PIF1: variants seen among roughly 807,000 people sequenced by gnomAD.
PIF1 encodes PIF1 5'-to-3' DNA helicase, also known as ATP-dependent DNA helicase PIF1.
PIF1 carries 67 observed loss-of-function variants against 62.3 expected under a neutral mutation model. That is an observed-to-expected ratio of 1.08 (90% CI 0.88 to 1.32). PIF1 has a LOEUF of 1.32. Ranked by LOEUF, PIF1 falls within the 40% of genes most tolerant of loss-of-function variation. The pLI is 0.00. For missense variants in PIF1, 886 were observed against 866.1 expected (o/e 1.02, Z -0.29); for synonymous variants, 364 against 379.5 (o/e 0.96, Z 0.47).
In PIF1 at chr15:64,823,922, C is replaced by A; in HGVS notation, c.414G>T (p.Gln138His). ...PGPGPASARA[Q>H]LLGPRPRDFV... is the part of the protein sequence containing the mutation. ...AGTCGCGGGGCCGCGGGCCCAGCAG[C>A]TGCGCTCGGGCGGAGGCCGGCCCGG... The change falls in exon 2 of 13, where the codon CAG becomes CAT. Residue 138 changes from glutamine to histidine, a missense_variant. Gln to His is a conservative substitution (Grantham distance 24). Transcript: ENST00000559239. The A allele has an allele frequency of 1.5e-6, 2 of 1,334,960 alleles. No individual in the cohort carries two copies. The highest frequency in any genetic ancestry group is 1.9e-6 in the Non-Finnish European group (2 of 1,036,180). The allele number at this position is 1,334,960 out of a possible 1,614,324, so 82.7% of individuals were successfully genotyped here.
Position 64,821,236 on chromosome 15 carries a change from G to C in PIF1, c.1017C>G (p.Ile339Met), listed in dbSNP as rs1024265984. The C allele has an allele frequency of 6.2e-7, 1 of 1,614,148 alleles. No homozygotes were observed. The highest frequency in any genetic ancestry group is 1.7e-5 in the Admixed American group (1 of 60,010). The stretch of plus-strand genomic sequence containing the variant: ...GCAGCTGCAGAAAGTCCCCACAGAT[G>C]ATGAGCTGGATCCCTCCGAATGGCT... ...QNKPFGGIQL[I>M]ICGDFLQLPP... Residue 339 changes from isoleucine (I) to methionine (M), a missense_variant, in exon 6 of 13, where the codon ATC becomes ATG. Transcript: ENST00000559239.
chr15:64,826,665 T>TACAC (rs796586375), upstream of PIF1, among the ~76,000 whole-genome samples: 1,124 of 42,556 alleles, frequency 0.026, 104 homozygotes, highest in East Asian at 0.1. Context: ...TATATATATA[T>TACAC]ACACACACAC....
intron 11 of PIF1, among the ~76,000 whole-genome samples, chr15:64,817,673 C>T (rs1422150209): frequency 6.6e-6 from 1 of 151,862 alleles, no homozygotes; most frequent in Non-Finnish European, 1.5e-5. Context: ...GCCATCCTGG[C>T]CAACAAAGTG....
Position 64,816,699 on chromosome 15 carries a change from C to T in PIF1, c.1741G>A (p.Ala581Thr). 1 of 1,613,420 alleles carries T rather than the reference C, an allele frequency of 6.2e-7. No individual in the cohort carries two copies. Among genetic ancestry groups the T allele is most frequent in the Non-Finnish European group, 8.5e-7 (1 of 1,179,870 alleles). The change falls in exon 12 of 13, where the codon GCC (alanine) becomes ACC (threonine). Residue 581 changes from alanine (A) to threonine (T), a missense_variant. Physicochemically the swap from Ala to Thr is moderately conservative, Grantham distance 58 (BLOSUM62 0). Transcript: ENST00000559239. ...TGCAGGCTGCGGGCCCGAGAAAGGG[C>T]CACATAGGCCTGGCCACTGGCAAAC... is the stretch of plus-strand genomic sequence containing the variant. ...RVFASGQAYVALSRARSLQGL... is the reference protein window; with the variant it reads ...RVFASGQAYVTLSRARSLQGL...
At chr15:64,823,052 AT>A (rs1323341849) in intron 2 of PIF1, among the ~76,000 whole-genome samples, 1 of 151,876 alleles carries the variant, frequency 6.6e-6, no homozygotes, top group Non-Finnish European at 1.5e-5. Context: ...GTGGGCTATG[AT>A]TCACCTGCCC....
At chr15:64,824,713 G>A (rs1296451566) in intron 1 of PIF1, among the ~76,000 whole-genome samples, 1 of 151,568 alleles carries the variant, frequency 6.6e-6, no homozygotes, top group Non-Finnish European at 1.5e-5. Flanking sequence ...CGGGCGTGGT[G>A]GCGGGCGCTT....
upstream of PIF1, among the ~76,000 whole-genome samples, chr15:64,826,614 C>G (rs1481746058): frequency 1.2e-5 from 1 of 86,484 alleles, no homozygotes; most frequent in East Asian, 3.7e-4. Context: ...CAGATGCACA[C>G]CCAGCTAATT....
chr15:64,826,665 T>TATATATATATATATATACAC (rs796684934), upstream of PIF1, among the ~76,000 whole-genome samples: 5 of 42,798 alleles, frequency 1.2e-4, no homozygotes, highest in Non-Finnish European at 1.3e-4. Context: ...TATATATATA[T>TATATATATATATATATACAC]ACACACACAC....
At chr15:64,819,741 C>T in intron 8 of PIF1, 106 bp downstream of exon 8, 1 of 1,489,912 alleles carries the variant, frequency 6.7e-7, no homozygotes, top group Non-Finnish European at 9.1e-7. Flanking sequence ...GCCTTTATGG[C>T]TTCAGAGGTT....
chr15:64,821,784 G>A, intron 4 of PIF1: 1 of 408,224 alleles, frequency 2.4e-6, no homozygotes. Context: ...GTGTCGCCCA[G>A]GCTCAAGTGC....
At chr15:64,826,396 G>A (rs2084367395), upstream of PIF1, among the ~76,000 whole-genome samples, 1 of 151,556 alleles carries the variant, frequency 6.6e-6, no homozygotes. Context: ...TCATTTTACA[G>A]ATAATGATAA....
At position 64,819,254 on chromosome 15, in the gene PIF1, C is replaced by CA. The variant is rs1325026087; in HGVS notation, c.1334-32dup. 2.1e-6 allele frequency: 3 copies of CA among 1,440,294 alleles called. No individual in the cohort carries two copies. In the East Asian group the frequency reaches 7.1e-5, roughly 34 times the overall value. 89.2% of individuals were successfully genotyped at this position (1,440,294 alleles called of 1,614,324 possible). A position where few individuals can be genotyped will look rare whatever the true frequency, so the allele number is the denominator to read the frequency against. On this transcript the variant is annotated intron_variant, in intron 8 of 12. Transcript: ENST00000559239. ...GAAAAAGAGTTGAGCAAACAGATCA[C>CA]AAATCACTGACTTGTGACTCAGCAT...
chr15:64,824,781 A>G (rs2084343426), intron 1 of PIF1, among the ~76,000 whole-genome samples: 1 of 150,810 alleles, frequency 6.6e-6, no homozygotes, highest in African/African-American at 2.5e-5. Context: ...CAGGAACTCG[A>G]GACCATCCTG....
At chr15:64,819,369 G>C (rs1419212321) in intron 8 of PIF1, 146 bp from the exon 9 acceptor site, 2 of 624,770 alleles carry the variant, frequency 3.2e-6, no homozygotes, top group East Asian at 3.3e-5. Flanking sequence ...GGAGTGCAAA[G>C]GCGTGATCTC....
At chr15:64,819,282 CAAA>C in intron 8 of PIF1, 59 bp from the exon 9 acceptor site, 9 of 1,132,898 alleles carry the variant, frequency 7.9e-6, no homozygotes, top group Non-Finnish European at 1.1e-5. Context: ...CTCAGCATCC[CAAA>C]AAAGACTTTT....
chr15:64,815,633 T>A lies in PIF1; in HGVS notation c.*665A>T, dbSNP rs1478246062. 6.7e-7 allele frequency: 1 copy of A among 1,499,098 alleles called. No individual in the cohort carries two copies. The highest frequency in any genetic ancestry group is 8.9e-7 in the Non-Finnish European group (1 of 1,117,506). The allele number at this position is 1,499,098 out of a possible 1,614,324, so 92.9% of individuals were successfully genotyped here. A position where few individuals can be genotyped will look rare whatever the true frequency, so the allele number is the denominator to read the frequency against. On this transcript the variant is annotated 3_prime_UTR_variant, in exon 13 of 13. Transcript: ENST00000559239. ...AGAGAGAGGAGGCAGGAGGCACAGTTTTTACACAATTCTCTAGTTTATTTG... is the reference window on the plus strand; with the variant it reads ...AGAGAGAGGAGGCAGGAGGCACAGTATTTACACAATTCTCTAGTTTATTTG...
At chr15:64,825,356 C>T (rs2084354474) in intron 1 of PIF1, among the ~76,000 whole-genome samples, 1 of 152,138 alleles carries the variant, frequency 6.6e-6, no homozygotes, top group Non-Finnish European at 1.5e-5. Context: ...CTCACTTGCC[C>T]TTCATAAGCC....
Position 64,823,953 on chromosome 15 carries a change from G to A in PIF1, c.383C>T (p.Pro128Leu). The change falls in exon 2 of 13, where the codon CCG (proline) becomes CTG (leucine). Residue 128 changes from proline to leucine, a missense_variant. Transcript: ENST00000559239. Reference protein sequence around the residue: ...RTLRLKLAAAPGPGPASARAQ... With the variant: ...RTLRLKLAAALGPGPASARAQ... Reference sequence around the variant, plus strand: ...TCGGGCGGAGGCCGGCCCGGGACCCGGGGCCGCAGCCAGCTTGAGGCGCAA... The same window carrying A: ...TCGGGCGGAGGCCGGCCCGGGACCCAGGGCCGCAGCCAGCTTGAGGCGCAA... 2 of 1,305,992 alleles carry A rather than the reference G, an allele frequency of 1.5e-6. No individual in the cohort carries two copies. Among genetic ancestry groups the A allele is most frequent in the Non-Finnish European group, 2.0e-6 (2 of 1,025,000 alleles). 80.9% of individuals were successfully genotyped at this position (1,305,992 alleles called of 1,614,324 possible).
At chr15:64,822,175 C>T in intron 4 of PIF1, 91 bp downstream of exon 4, 1 of 1,526,146 alleles carries the variant, frequency 6.6e-7, no homozygotes, top group East Asian at 2.3e-5. Flanking sequence ...GCGCCCAGCC[C>T]CCAAAACTCC....
Sources: gnomAD v4.1 joint callset for allele counts (sites outside exome capture counted in the v4.1 genomes callset) on GRCh38, gnomAD v4.1.1 for gene constraint, MANE v1.5 for transcripts, NCBI Gene and HGNC (gene_info 2026-07-23, HGNC 2026-07-21) for gene names.